Variants in RCN1 observed in about 807,000 individuals in gnomAD.
RCN1 encodes the protein reticulocalbin 1, also known as reticulocalbin-1.
A neutral mutation model predicts 34.7 loss-of-function variants in RCN1; 14 were observed. That is an observed-to-expected ratio of 0.40 (90% CI 0.27 to 0.63). The LOEUF (loss-of-function observed/expected upper bound fraction) is 0.63, where lower values mean the gene tolerates loss of function less well. Among genes scored for constraint, RCN1 ranks in the 30% least tolerant of loss-of-function variants. RCN1 has a pLI of 0.37. For synonymous variants in RCN1, 125 were observed against 165.5 expected, an observed-to-expected ratio of 0.76 and a Z score of 1.88; for missense variants, 326 against 425.1, an observed-to-expected ratio of 0.77 and a Z score of 2.05.
intron 1 of RCN1, 134 bp downstream of exon 1, chr11:32,091,584 A>G (rs926375414): frequency 4.9e-5 from 58 of 1,176,700 alleles, no homozygotes; most frequent in Non-Finnish European, 6.5e-5. Context: ...GGCCCTGCCC[A>G]ACTCGGCGCT....
intron 2 of RCN1, among the ~76,000 whole-genome samples, chr11:32,097,600 A>G (rs1438101007): frequency 6.6e-6 from 1 of 152,220 alleles, no homozygotes; most frequent in Non-Finnish European, 1.5e-5. Context: ...ACTTCGTCTC[A>G]GATGCACACA....
rs1240312339 is a variant in RCN1 at position 32,105,056 on chromosome 11, A to G, written c.*584A>G. 6.0e-6 allele frequency: 1 copy of G among 167,160 alleles called. No homozygotes were observed. Among genetic ancestry groups the G allele is most frequent in the African/African-American group, 2.4e-5 (1 of 41,468 alleles). 10.4% of individuals were successfully genotyped at this position (167,160 alleles called of 1,614,324 possible). On this transcript the variant is annotated 3_prime_UTR_variant, in exon 6 of 6. Coordinates refer to ENST00000054950, the MANE Select transcript of RCN1 (RefSeq NM_002901.4). The stretch of plus-strand genomic sequence containing the variant: ...ATGCATTTTCCAGTATGGATCTGCT[A>G]ATATGCACAGTAAATCCATGTCTTT...
chr11:32,091,793 A>C (rs1002291011), intron 1 of RCN1: 3 of 320,042 alleles, frequency 9.4e-6, no homozygotes, highest in African/African-American at 2.2e-5. Context: ...GTTTGTCCAC[A>C]GTGGCCTGTT....
intron 1 of RCN1, 79 bp from the exon 2 acceptor site, chr11:32,097,065 C>T (rs914738249): frequency 7.6e-6 from 9 of 1,189,218 alleles, no homozygotes; most frequent in Middle Eastern, 2.0e-4. Flanking sequence ...TTTTGCTGGA[C>T]CAGCATCACA....
Position 32,091,132 on chromosome 11 carries a change from T to C in RCN1, c.-65T>C, listed in dbSNP as rs1240538301. 1.5e-6 allele frequency: 2 copies of C among 1,324,108 alleles called. No individual in the cohort carries two copies. Among genetic ancestry groups the C allele is most frequent in the Non-Finnish European group, 9.6e-7 (1 of 1,040,332 alleles). The allele number at this position is 1,324,108 out of a possible 1,614,324, so 82.0% of individuals were successfully genotyped here. Reference sequence around the variant, plus strand: ...GCTGCCGCCGCGCTCCGAGTCCCCATTCCCGAGCTGCCGCTGTTGTCGCTC... The same window carrying C: ...GCTGCCGCCGCGCTCCGAGTCCCCACTCCCGAGCTGCCGCTGTTGTCGCTC... On this transcript the variant is annotated 5_prime_UTR_variant, in exon 1 of 6. Coordinates refer to ENST00000054950, the MANE Select transcript of RCN1 (RefSeq NM_002901.4).
chr11:32,100,618 G>C lies in RCN1; in HGVS notation c.688+10G>C, dbSNP rs772951852. 9 of 1,611,422 alleles carry C rather than the reference G, an allele frequency of 5.6e-6. No individual in the cohort carries two copies. Among genetic ancestry groups the C allele is most frequent in the African/African-American group, 1.3e-5 (1 of 74,868 alleles). On this transcript the variant is annotated intron_variant, in intron 4 of 5. Coordinates refer to ENST00000054950, the MANE Select transcript of RCN1 (RefSeq NM_002901.4). The stretch of plus-strand genomic sequence containing the variant: ...CAGGATGAGTATATTGGTGAGTACT[G>C]ACCTAGAGTCTTGCTCAGCTGTCCT...
At chr11:32,098,281 T>A (rs1851995248) in intron 2 of RCN1, 69 bp from the exon 3 acceptor site, 1 of 1,390,152 alleles carries the variant, frequency 7.2e-7, no homozygotes, top group South Asian at 1.4e-5. Context: ...GCAGGATGAG[T>A]GATCTGGCAG....
At chr11:32,098,622 G>A in intron 3 of RCN1, 94 bp downstream of exon 3, 1 of 1,037,378 alleles carries the variant, frequency 9.6e-7, no homozygotes, top group Non-Finnish European at 1.4e-6. Context: ...TTTTCAGCCT[G>A]AAGGGAATTG....
intron 4 of RCN1, 31 bp from the exon 5 acceptor site, chr11:32,103,250 C>G: frequency 2.5e-6 from 4 of 1,607,906 alleles, no homozygotes; most frequent in Non-Finnish European, 3.4e-6. Flanking sequence ...TCCCACTTTC[C>G]TTTGTAACCA....
chr11:32,104,491 T>C lies in RCN1; in HGVS notation c.*19T>C, dbSNP rs757754057. On this transcript the variant is annotated 3_prime_UTR_variant, in exon 6 of 6. Transcript: ENST00000054950. ...GCTTTGATAGACACTCACCAGAATA[T>C]GGCAGACTGTCATAGGCATTCTGTT... 3.4e-6 allele frequency: 4 copies of C among 1,179,488 alleles called. No individual in the cohort carries two copies. In the African/African-American group the frequency reaches 5.9e-5, roughly 17 times the overall value. 73.1% of individuals were successfully genotyped at this position (1,179,488 alleles called of 1,614,324 possible).
intron 4 of RCN1, chr11:32,101,979 A>G (rs188629590): frequency 6.6e-6 from 1 of 152,242 alleles, no homozygotes; most frequent in African/African-American, 2.4e-5. Flanking sequence ...GGCTTTGCCT[A>G]AAAGAAGCAT....
At chr11:32,097,123 T>G in intron 1 of RCN1, 21 bp from the exon 2 acceptor site, 1 of 1,329,962 alleles carries the variant, frequency 7.5e-7, no homozygotes. Flanking sequence ...GGGTTTCTTT[T>G]TTTTTTTTTT....
chr11:32,094,442 T>C (rs1851951075), intron 1 of RCN1, among the ~76,000 whole-genome samples: 1 of 152,232 alleles, frequency 6.6e-6, no homozygotes, highest in East Asian at 1.9e-4. Flanking sequence ...AGTCATCGTC[T>C]GCAGCAGAGT....
intron 1 of RCN1, chr11:32,091,651 G>GCCGCGC: frequency 1.6e-6 from 1 of 616,176 alleles, no homozygotes. Flanking sequence ...GATCGCCGCC[G>GCCGCGC]CCGCGCCCCG....
rs545679794 is a variant in RCN1 at position 32,099,437 on chromosome 11, T to A, written c.627+909T>A. Among the ~76,000 whole-genome samples the A allele has an allele frequency of 3.9e-5, 6 of 152,290 alleles. No homozygotes were observed. In the East Asian group the frequency reaches 9.7e-4, roughly 25 times the overall value. On this transcript the variant is annotated intron_variant, in intron 3 of 5. Transcript: ENST00000054950. The stretch of plus-strand genomic sequence containing the variant: ...TCAGAAATGGAATGAATTGGATTGT[T>A]AAAACTGTATGGAAATGTAAAGTAA...
chr11:32,101,705 A>T (rs1457620516), intron 4 of RCN1, among the ~76,000 whole-genome samples: 1 of 152,192 alleles, frequency 6.6e-6, no homozygotes, highest in Non-Finnish European at 1.5e-5. Context: ...TCTTGGTGGC[A>T]CTACCCTGAT....
Position 32,091,469 on chromosome 11 carries a change from C to A in RCN1, c.254+19C>A, listed in dbSNP as rs1487486178. 2 of 1,538,170 alleles carry A rather than the reference C, an allele frequency of 1.3e-6. No individual in the cohort carries two copies. The highest frequency in any genetic ancestry group is 1.8e-6 in the Non-Finnish European group (2 of 1,141,864). On this transcript the variant is annotated intron_variant, in intron 1 of 5. Coordinates refer to ENST00000054950, the MANE Select transcript of RCN1 (RefSeq NM_002901.4). ...GGCTAGGGTGAGGCCGCGGCCAGGGCCCCGTGGGGGGCGGCGCAGGTGTCC... is the reference window on the plus strand; with the variant it reads ...GGCTAGGGTGAGGCCGCGGCCAGGGACCCGTGGGGGGCGGCGCAGGTGTCC...
intron 1 of RCN1, chr11:32,096,829 C>T (rs1362435157): frequency 1.1e-5 from 3 of 265,434 alleles, no homozygotes; most frequent in Non-Finnish European, 2.1e-5. Flanking sequence ...AGCTCTGATC[C>T]GTTGATAATG....
Position 32,091,375 on chromosome 11 carries a change from A to G in RCN1, c.179A>G (p.His60Arg). Reference protein sequence around the residue: ...PEDNQSFQYDHEAFLGKEDSK... With the variant: ...PEDNQSFQYDREAFLGKEDSK... ...GACAACCAGAGCTTCCAGTACGACC[A>G]CGAGGCCTTCCTGGGCAAGGAGGAC... is the stretch of plus-strand genomic sequence containing the variant. Residue 60 changes from histidine to arginine, a missense_variant, in exon 1 of 6, where the codon CAC becomes CGC. Physicochemically the swap from His to Arg is conservative, Grantham distance 29 (BLOSUM62 0). Coordinates refer to ENST00000054950, the MANE Select transcript of RCN1 (RefSeq NM_002901.4). The G allele has an allele frequency of 1.3e-6, 2 of 1,549,370 alleles. No individual in the cohort carries two copies. Among genetic ancestry groups the G allele is most frequent in the South Asian group, 2.4e-5 (2 of 83,802 alleles).
Sources: gnomAD v4.1 joint callset for allele counts (sites outside exome capture counted in the v4.1 genomes callset) on GRCh38, gnomAD v4.1.1 for gene constraint, MANE v1.5 for transcripts, NCBI Gene and HGNC (gene_info 2026-07-23, HGNC 2026-07-21) for gene names.